The following SYN3 variants were observed in gnomAD, a reference collection of about 807,000 sequenced individuals.
SYN3 encodes the protein synapsin-3.
In SYN3, 35 loss-of-function variants were observed where a neutral mutation model predicts 65.8. The observed-to-expected ratio is 0.53, with a 90% confidence interval of 0.41 to 0.70. The LOEUF is 0.70. Among genes scored for constraint, SYN3 ranks in the 30% least tolerant of loss-of-function variants. SYN3 has a pLI of 0.00. For synonymous variants in SYN3, 270 were observed against 292.9 expected (o/e 0.92, Z 0.80); for missense variants, 680 against 749.0 (o/e 0.91, Z 1.08).
chr22:32,674,538 A>G (rs1445409110), intron 6 of SYN3, among the ~76,000 whole-genome samples: 1 of 152,186 alleles, frequency 6.6e-6, no homozygotes, highest in African/African-American at 2.4e-5. Context: ...GAATGGGAAA[A>G]TGATGGTGGC....
At chr22:32,537,167 CT>C (rs901851561) in intron 9 of SYN3, among the ~76,000 whole-genome samples, 89 of 149,140 alleles carry the variant, frequency 6.0e-4, no homozygotes, top group Non-Finnish European at 8.4e-4. Context: ...CCTTCCCCCC[CT>C]TTTTTTTTTA....
chr22:32,535,209 G>A (rs1453240857), intron 9 of SYN3, among the ~76,000 whole-genome samples: 2 of 152,048 alleles, frequency 1.3e-5, no homozygotes, highest in East Asian at 3.9e-4. Context: ...CATTCTGAAG[G>A]TGCCCCAGCC....
At chr22:32,780,714 G>A (rs1476510760) in intron 6 of SYN3, among the ~76,000 whole-genome samples, 1 of 152,104 alleles carries the variant, frequency 6.6e-6, no homozygotes, top group Non-Finnish European at 1.5e-5. Context: ...CATGACCTTG[G>A]ACAATCTACT....
chr22:32,763,949 T>C (rs1483147686), intron 6 of SYN3, among the ~76,000 whole-genome samples: 2 of 147,828 alleles, frequency 1.4e-5, no homozygotes, highest in African/African-American at 4.9e-5. Flanking sequence ...CCCCCCTTTT[T>C]TTTTTTGAGA....
intron 6 of SYN3, among the ~76,000 whole-genome samples, chr22:32,684,024 A>G (rs2060557801): frequency 6.6e-6 from 1 of 152,170 alleles, no homozygotes; most frequent in Non-Finnish European, 1.5e-5. Flanking sequence ...TCATTCCTAA[A>G]AGGAACAATT....
chr22:32,845,406 G>T (rs574342413), intron 6 of SYN3, among the ~76,000 whole-genome samples: 2 of 152,008 alleles, frequency 1.3e-5, no homozygotes, highest in African/African-American at 4.8e-5. Flanking sequence ...TGGCCAGGAT[G>T]GTCTCAATCT....
intron 6 of SYN3, among the ~76,000 whole-genome samples, chr22:32,680,570 C>A (rs2060509485): frequency 6.6e-6 from 1 of 152,176 alleles, no homozygotes; most frequent in African/African-American, 2.4e-5. Flanking sequence ...AACTGGTTTA[C>A]CTGGTTTGCC....
At chr22:32,671,956 A>G (rs1299244858) in intron 6 of SYN3, among the ~76,000 whole-genome samples, 5 of 152,374 alleles carry the variant, frequency 3.3e-5, no homozygotes, top group East Asian at 1.9e-4. Context: ...GTCCCTCACA[A>G]GTTGTCAGCA....
At chr22:33,016,718 A>G (rs1353926424) in intron 1 of SYN3, among the ~76,000 whole-genome samples, 2 of 152,038 alleles carry the variant, frequency 1.3e-5, no homozygotes, top group Non-Finnish European at 2.9e-5. Context: ...AGAAATGTCT[A>G]TTTGGTTTAC....
At chr22:32,595,350 T>C (rs1470479798) in intron 7 of SYN3, among the ~76,000 whole-genome samples, 1 of 152,076 alleles carries the variant, frequency 6.6e-6, no homozygotes, top group African/African-American at 2.4e-5. Context: ...AAGAGGGAGA[T>C]CAAGCTCTAT....
At chr22:32,573,390 T>C (rs541940973) in intron 7 of SYN3, among the ~76,000 whole-genome samples, 31 of 152,288 alleles carry the variant, frequency 2.0e-4, no homozygotes, top group African/African-American at 7.5e-4. Context: ...ATTTGGAGAT[T>C]GCAGAGAAAG....
chr22:32,629,106 C>T (rs1466084305), intron 6 of SYN3, among the ~76,000 whole-genome samples: 1 of 152,200 alleles, frequency 6.6e-6, no homozygotes, highest in Non-Finnish European at 1.5e-5. Flanking sequence ...CTGACCCTGT[C>T]GTGTGTGCTC....
rs761900489 is a variant in SYN3 at position 32,864,876 on chromosome 22, C to T, written c.711+39G>A. The T allele has an allele frequency of 2.6e-5, 41 of 1,556,456 alleles. 1 individual carries two copies. The East Asian group carries it at 5.6e-4, about 21-fold the overall frequency. On this transcript the variant is annotated intron_variant, in intron 6 of 13. Transcript: ENST00000358763. The stretch of plus-strand genomic sequence containing the variant: ...GAGGACAAGTCATCTGTATTCATTC[C>T]GCATCATGCAAAGAAACAGAGTAAA...
Position 32,780,328 on chromosome 22 carries a change from G to A in SYN3, c.711+84587C>T, listed in dbSNP as rs144796859. On this transcript the variant is annotated intron_variant, in intron 6 of 13. Coordinates refer to ENST00000358763, the MANE Select transcript of SYN3 (RefSeq NM_003490.4). ...AAGTGTCTCAGGAGTGTTGTTCTGG[G>A]GGCTAAAATTACAGGTGATCGGACA... Among the ~76,000 whole-genome samples, 5 of 152,188 alleles carry A rather than the reference G, an allele frequency of 3.3e-5. No homozygotes were observed. The East Asian group carries it at 9.7e-4, about 29-fold the overall frequency.
chr22:32,709,908 G>A (rs1264946483), intron 6 of SYN3, among the ~76,000 whole-genome samples: 1 of 151,396 alleles, frequency 6.6e-6, no homozygotes, highest in Non-Finnish European at 1.5e-5. Context: ...TTCACTAATC[G>A]GATTACTGTA....
At chr22:32,775,001 C>T (rs1390349401) in intron 6 of SYN3, among the ~76,000 whole-genome samples, 1 of 152,200 alleles carries the variant, frequency 6.6e-6, no homozygotes, top group Non-Finnish European at 1.5e-5. Flanking sequence ...CCCCAGCTTC[C>T]TCCTCTGACC....
intron 1 of SYN3, among the ~76,000 whole-genome samples, chr22:33,053,251 C>A (rs2054200962): frequency 6.6e-6 from 1 of 152,212 alleles, no homozygotes; most frequent in African/African-American, 2.4e-5. Flanking sequence ...GGTGAAACCC[C>A]GTTTCCACTA....
chr22:32,803,827 G>C (rs915693103), intron 6 of SYN3, among the ~76,000 whole-genome samples: 2 of 152,158 alleles, frequency 1.3e-5, no homozygotes, highest in African/African-American at 4.8e-5. Context: ...AAATGGGCTG[G>C]GTGACTTCAC....
chr22:32,786,157 G>A (rs2046189662), intron 6 of SYN3, among the ~76,000 whole-genome samples: 1 of 152,148 alleles, frequency 6.6e-6, no homozygotes, highest in African/African-American at 2.4e-5. Flanking sequence ...GCCGTATGAG[G>A]TGGGTGCTGT....
Sources: allele counts gnomAD v4.1 joint callset (sites outside exome capture counted in the v4.1 genomes callset), GRCh38; gene constraint gnomAD v4.1.1; transcripts MANE v1.5; gene names NCBI Gene and HGNC (gene_info 2026-07-23, HGNC 2026-07-21).